FIP1L1: variants seen among roughly 807,000 people sequenced by gnomAD.
FIP1L1 encodes the protein factor interacting with PAPOLA and CPSF1.
A neutral mutation model predicts 84.6 loss-of-function variants in FIP1L1; 21 were observed. The observed-to-expected ratio is 0.25, with a 90% CI of 0.18 to 0.36. The LOEUF is 0.36. FIP1L1 is among the 10% of genes least tolerant of loss of function. The pLI is 1.00. For synonymous variants in FIP1L1, 263 were observed against 242.3 expected, an observed-to-expected ratio of 1.09 and a Z score of -0.80; for missense variants, 526 against 751.1, an observed-to-expected ratio of 0.70 and a Z score of 3.50.
intron 16 of FIP1L1, among the ~76,000 whole-genome samples, chr4:53,456,806 ATC>A (rs1473641671): frequency 6.6e-6 from 1 of 152,118 alleles, no homozygotes; most frequent in Admixed American, 6.6e-5. Context: ...ATCTTCTACC[ATC>A]TGTTATAAGG....
chr4:53,437,277 C>A (rs1006441998), intron 13 of FIP1L1, among the ~76,000 whole-genome samples: 2 of 127,390 alleles, frequency 1.6e-5, no homozygotes, highest in African/African-American at 5.8e-5. Context: ...TGCAGTGAGC[C>A]GTGGTCATGC....
chr4:53,407,362 G>A (rs1754188831), intron 10 of FIP1L1, among the ~76,000 whole-genome samples: 1 of 152,222 alleles, frequency 6.6e-6, no homozygotes, highest in Non-Finnish European at 1.5e-5. Context: ...TGATTGCACT[G>A]TGGTCTGAGA....
chr4:53,448,621 A>C (rs1420679884), intron 15 of FIP1L1, among the ~76,000 whole-genome samples: 1 of 152,152 alleles, frequency 6.6e-6, no homozygotes, highest in Non-Finnish European at 1.5e-5. Flanking sequence ...ATTAATTTCC[A>C]CATGTCACAC....
chr4:53,384,846 A>G (rs1740078318), intron 5 of FIP1L1, among the ~76,000 whole-genome samples: 1 of 152,254 alleles, frequency 6.6e-6, no homozygotes, highest in Non-Finnish European at 1.5e-5. Context: ...GGAAACATAA[A>G]ATACATTAAT....
chr4:53,414,723 G>A lies in FIP1L1; in HGVS notation c.923+1G>A, dbSNP rs776032997. ...GGAGGGCCGAATCACCTGATCTAAG[G>A]TAAGGCTATTTTTAAACATTGGATA... is the stretch of plus-strand genomic sequence containing the variant. On this transcript the variant is annotated splice_donor_variant, in intron 11 of 17. Coordinates refer to ENST00000337488, the MANE Select transcript of FIP1L1 (RefSeq NM_030917.4). LOFTEE classifies it high-confidence loss of function. 1.2e-6 allele frequency: 2 copies of A among 1,600,190 alleles called. No homozygotes were observed. Among genetic ancestry groups the A allele is most frequent in the Non-Finnish European group, 8.6e-7 (1 of 1,168,184 alleles).
At chr4:53,439,988 C>T (rs1578999449) in intron 13 of FIP1L1, among the ~76,000 whole-genome samples, 2 of 151,882 alleles carry the variant, frequency 1.3e-5, no homozygotes, top group Non-Finnish European at 2.9e-5. Context: ...AAATCATTCA[C>T]GTTTATGTTA....
At chr4:53,392,907 A>G (rs977324484) in intron 9 of FIP1L1, among the ~76,000 whole-genome samples, 1 of 152,182 alleles carries the variant, frequency 6.6e-6, no homozygotes, top group African/African-American at 2.4e-5. Context: ...TACAGTCTTC[A>G]TGGTTTTCTT....
chr4:53,428,282 T>C (rs1282822162), intron 13 of FIP1L1, 99 bp downstream of exon 13: 26 of 1,165,042 alleles, frequency 2.2e-5, no homozygotes, highest in Non-Finnish European at 2.9e-5. Context: ...TCACATTTCA[T>C]TAAAAGTAAT....
chr4:53,397,056 GA>G (rs1209152498), intron 9 of FIP1L1, among the ~76,000 whole-genome samples: 51 of 152,120 alleles, frequency 3.4e-4, no homozygotes, highest in African/African-American at 1.2e-3. Flanking sequence ...CTTTTTAACC[GA>G]TGAAAGAATG....
chr4:53,389,961 C>T, intron 6 of FIP1L1, 88 bp downstream of exon 6: 1 of 958,308 alleles, frequency 1.0e-6, no homozygotes, highest in Non-Finnish European at 1.6e-6. Flanking sequence ...TAGTCGGGGA[C>T]AGAGTCTGGC....
At chr4:53,434,505 C>A (rs1578906676) in intron 13 of FIP1L1, among the ~76,000 whole-genome samples, 1 of 140,722 alleles carries the variant, frequency 7.1e-6, no homozygotes, top group African/African-American at 2.7e-5. Context: ...AAGTTTTGTT[C>A]TTGTTGCCCA....
Position 53,391,438 on chromosome 4 carries a change from CTG to C in FIP1L1, c.647_648del (p.Cys216TyrfsTer19). On this transcript the variant is annotated frameshift_variant, in exon 9 of 18. Coordinates refer to ENST00000337488, the MANE Select transcript of FIP1L1 (RefSeq NM_030917.4). LOFTEE classifies it high-confidence loss of function. ...STTNKITAED[C>X]TMEVTPGAEI... Reference sequence around the variant, plus strand: ...TATGTTATTTAACTTAGGCCGAAGACTGTACTATGGAAGTTACACCAGGTGCA... The same window carrying C: ...TATGTTATTTAACTTAGGCCGAAGACTACTATGGAAGTTACACCAGGTGCA... 1 of 1,612,580 alleles carries C rather than the reference CTG, an allele frequency of 6.2e-7. No homozygotes were observed. The highest frequency in any genetic ancestry group is 1.7e-5 in the Admixed American group (1 of 60,018).
At chr4:53,406,670 A>C (rs1292083301) in intron 10 of FIP1L1, among the ~76,000 whole-genome samples, 1 of 152,196 alleles carries the variant, frequency 6.6e-6, no homozygotes, top group Admixed American at 6.5e-5. Flanking sequence ...GCTATTGATT[A>C]TTGCCACAAT....
At chr4:53,441,802 T>A (rs1050092771) in intron 13 of FIP1L1, among the ~76,000 whole-genome samples, 6 of 151,910 alleles carry the variant, frequency 3.9e-5, no homozygotes, top group South Asian at 2.1e-4. Context: ...AGTGTCTGAA[T>A]TGTAGTATGA....
intron 10 of FIP1L1, among the ~76,000 whole-genome samples, chr4:53,408,593 G>C (rs1755180262): frequency 6.6e-6 from 1 of 152,118 alleles, no homozygotes; most frequent in Admixed American, 6.6e-5. Context: ...AGAGTATTTT[G>C]CAACTTGGTT....
At chr4:53,397,181 A>G (rs1379162335) in intron 9 of FIP1L1, among the ~76,000 whole-genome samples, 1 of 152,234 alleles carries the variant, frequency 6.6e-6, no homozygotes, top group Non-Finnish European at 1.5e-5. Flanking sequence ...GGAAGAAGAA[A>G]ATCCGATGAC....
chr4:53,438,270 T>C (rs1194311383), intron 13 of FIP1L1, among the ~76,000 whole-genome samples: 1 of 152,106 alleles, frequency 6.6e-6, no homozygotes, highest in Non-Finnish European at 1.5e-5. Context: ...GATGGAGGTG[T>C]TGGGAGGGGA....
At chr4:53,451,456 C>T (rs1438756440) in intron 15 of FIP1L1, among the ~76,000 whole-genome samples, 9 of 151,916 alleles carry the variant, frequency 5.9e-5, no homozygotes. Context: ...GAATATTTAG[C>T]TATTTGAACT....
intron 13 of FIP1L1, among the ~76,000 whole-genome samples, chr4:53,429,526 A>T (rs558788425): frequency 6.6e-6 from 1 of 152,228 alleles, no homozygotes; most frequent in Admixed American, 6.5e-5. Context: ...TAAAAGGTAG[A>T]AATAATTAAT....
Sources: allele counts gnomAD v4.1 joint callset (sites outside exome capture counted in the v4.1 genomes callset), GRCh38; gene constraint gnomAD v4.1.1; transcripts MANE v1.5; gene names NCBI Gene and HGNC (gene_info 2026-07-23, HGNC 2026-07-21).